Variants in TRAPPC12 observed in about 807,000 individuals in gnomAD.
TRAPPC12 encodes the protein TPR repeat protein 15.
In TRAPPC12, 61 loss-of-function variants were observed where a neutral mutation model predicts 69.2. The observed-to-expected ratio is 0.88, with a 90% confidence interval of 0.72 to 1.09. The LOEUF is 1.09. TRAPPC12 is among the 50% of genes least tolerant of loss of function. TRAPPC12 has a pLI of 0.00. For missense variants in TRAPPC12, 1,101 were observed against 1,016.4 expected (o/e 1.08, Z -1.13); for synonymous variants, 469 against 438.9 (o/e 1.07, Z -0.86).
chr2:3,473,584 A>G (rs1020903111), intron 9 of TRAPPC12, among the ~76,000 whole-genome samples: 41 of 152,236 alleles, frequency 2.7e-4, no homozygotes, highest in African/African-American at 9.9e-4. Context: ...GGCTCAAGCA[A>G]TCCTCCCGCC....
rs190407214 is a variant in TRAPPC12, at chr2:3,467,064, G to C, written c.1776+1369G>C. ...CGTCTGGAAGTGCTTCTCCTTCCAG[G>C]GGGAGCCACTGGCTTGACCACAGCG... On this transcript the variant is annotated intron_variant, in intron 9 of 11. Coordinates refer to ENST00000324266, the MANE Select transcript of TRAPPC12 (RefSeq NM_016030.6). 5.6e-4 allele frequency among the ~76,000 whole-genome samples: 86 copies of C among 152,352 alleles called. 2 individuals are homozygous for C. The East Asian group carries it at 0.016, about 29-fold the overall frequency.
At chr2:3,475,877 T>C (rs1666271301) in intron 9 of TRAPPC12, among the ~76,000 whole-genome samples, 1 of 152,226 alleles carries the variant, frequency 6.6e-6, no homozygotes, top group Admixed American at 6.5e-5. Context: ...GAGCTGTGCT[T>C]GTAAGCGCTT....
intron 2 of TRAPPC12, among the ~76,000 whole-genome samples, chr2:3,401,348 C>T (rs900295571): frequency 9.8e-5 from 15 of 152,292 alleles, no homozygotes; most frequent in South Asian, 8.3e-4. Flanking sequence ...TGCACCAGCG[C>T]GAGGCTGGCC....
At chr2:3,430,739 A>G (rs1389682365) in intron 5 of TRAPPC12, among the ~76,000 whole-genome samples, 2 of 152,276 alleles carry the variant, frequency 1.3e-5, no homozygotes, top group Non-Finnish European at 2.9e-5. Context: ...ATACTGTTAT[A>G]TCAGGAATAA....
At position 3,436,375 on chromosome 2, in the gene TRAPPC12, A is replaced by G. The variant is rs183679512; in HGVS notation, c.1418-7404A>G. 2.1e-3 allele frequency among the ~76,000 whole-genome samples: 314 copies of G among 152,234 alleles called. 2 individuals are homozygous for G. Among genetic ancestry groups the G allele is most frequent in the African/African-American group, 7.0e-3 (292 of 41,510 alleles). On this transcript the variant is annotated intron_variant, in intron 5 of 11. Transcript: ENST00000324266. ...TCATTAAAAACTCCATTTTCCATCTAATACCTTGGAGACACCATCTTTATT... is the reference window on the plus strand; with the variant it reads ...TCATTAAAAACTCCATTTTCCATCTGATACCTTGGAGACACCATCTTTATT...
Position 3,424,495 on chromosome 2 carries a change from C to T in TRAPPC12, c.1279-30C>T, listed in dbSNP as rs772286166. ...TTCTGAACTGGATATATGTAGATAA[C>T]CTATTGTTTCCATTGTATTTTGTTT... On this transcript the variant is annotated intron_variant, in intron 4 of 11. Transcript: ENST00000324266. The T allele has an allele frequency of 1.9e-6, 3 of 1,608,186 alleles. No homozygotes were observed. In the African/African-American group the frequency reaches 4.0e-5, roughly 22 times the overall value.
intron 6 of TRAPPC12, chr2:3,455,264 T>C (rs577176713): frequency 2.0e-5 from 3 of 152,366 alleles, no homozygotes; most frequent in Non-Finnish European, 4.4e-5. Context: ...AGTAGGTGTT[T>C]ATGGGTTATA....
rs145829854 is a variant in TRAPPC12, at chr2:3,414,462, G to A, written c.1165-7419G>A. Among the ~76,000 whole-genome samples the A allele has an allele frequency of 1.5e-3, 221 of 151,362 alleles. No homozygotes were observed. The highest frequency in any genetic ancestry group is 6.8e-3 in the Middle Eastern group (2 of 292). On this transcript the variant is annotated intron_variant, in intron 3 of 11. Transcript: ENST00000324266. This position sits in a 1 kb window ranked among gnomAD's most constrained non-coding sequence, Gnocchi z 4.9. Reference sequence around the variant, plus strand: ...CCGGGTTCTTGTCCTCCCCCCTGCCGCCACCCTGGGGTCTGCCACTCTGGG... The same window carrying A: ...CCGGGTTCTTGTCCTCCCCCCTGCCACCACCCTGGGGTCTGCCACTCTGGG...
intron 5 of TRAPPC12, among the ~76,000 whole-genome samples, chr2:3,442,851 T>C (rs981519852): frequency 3.3e-5 from 5 of 152,254 alleles, no homozygotes; most frequent in African/African-American, 1.2e-4. Flanking sequence ...TTTCAGACTA[T>C]ATTCCAGATC....
chr2:3,448,109 CCTA>C (rs940810996), intron 6 of TRAPPC12, among the ~76,000 whole-genome samples: 6 of 152,324 alleles, frequency 3.9e-5, no homozygotes, highest in Admixed American at 1.3e-4. Context: ...TTGATTACCC[CCTA>C]CTAATGCCCA....
intron 3 of TRAPPC12, among the ~76,000 whole-genome samples, chr2:3,402,541 G>A (rs1661504265): frequency 6.6e-6 from 1 of 151,510 alleles, no homozygotes. Context: ...GTTGCAGTGA[G>A]CCGAGATCAC....
chr2:3,388,605 C>T lies in TRAPPC12; in HGVS notation c.982C>T (p.Arg328Cys). The change falls in exon 2 of 12, where the codon CGC becomes TGC. Residue 328 changes from arginine to cysteine, a missense_variant. Arg to Cys is a radical substitution (Grantham distance 180, BLOSUM62 -3). Coordinates refer to ENST00000324266, the MANE Select transcript of TRAPPC12 (RefSeq NM_016030.6). Reference protein sequence around the residue: ...GVLRAVATQQRGAVFVDKENL... With the variant: ...GVLRAVATQQCGAVFVDKENL... ...CCTGCGGGCCGTGGCCACCCAGCAG[C>T]GCGGCGCCGTGTTCGTGGACAAGGA... The T allele has an allele frequency of 1.2e-6, 2 of 1,605,278 alleles. No homozygotes were observed. Among genetic ancestry groups the T allele is most frequent in the South Asian group, 1.1e-5 (1 of 89,910 alleles).
chr2:3,478,476 T>C (rs905141178), intron 10 of TRAPPC12, among the ~76,000 whole-genome samples: 6 of 151,866 alleles, frequency 4.0e-5, no homozygotes, highest in Non-Finnish European at 7.4e-5. Flanking sequence ...CTACTAAAAA[T>C]ACAAAAAATT....
chr2:3,431,961 C>T (rs769748593), intron 5 of TRAPPC12, among the ~76,000 whole-genome samples: 2 of 152,292 alleles, frequency 1.3e-5, no homozygotes, highest in Non-Finnish European at 1.5e-5. Flanking sequence ...GGAATTACCC[C>T]TCTCGTTCCA....
In TRAPPC12 at chr2:3,421,941, C is replaced by T. The variant is rs1476443255; in HGVS notation, c.1225C>T (p.Gln409Ter). The change falls in exon 4 of 12, where the codon CAG (glutamine) becomes TAG (stop). Residue 409 changes from glutamine to a stop codon, truncating the protein, a stop_gained. Coordinates refer to ENST00000324266, the MANE Select transcript of TRAPPC12 (RefSeq NM_016030.6). LOFTEE classifies it high-confidence loss of function. Reference sequence around the variant, plus strand: ...CGGACGTCTCCTCACAGCCCACGGCCAGGGCTACGGCAAGAGCGGGCTGCT... The same window carrying T: ...CGGACGTCTCCTCACAGCCCACGGCTAGGGCTACGGCAAGAGCGGGCTGCT... ...LCGRLLTAHG[Q>*]GYGKSGLLTS... is the part of the protein sequence containing the mutation. The T allele has an allele frequency of 1.2e-6, 2 of 1,613,748 alleles. No homozygotes were observed. The highest frequency in any genetic ancestry group is 1.7e-5 in the Admixed American group (1 of 60,026).
chr2:3,424,593 A>C lies in TRAPPC12; in HGVS notation c.1347A>C (p.Glu449Asp). Residue 449 changes from glutamate to aspartate, a missense_variant, in exon 5 of 12, where the codon GAA becomes GAC. Physicochemically the swap from Glu to Asp is conservative, Grantham distance 45 (BLOSUM62 2). Coordinates refer to ENST00000324266, the MANE Select transcript of TRAPPC12 (RefSeq NM_016030.6). ...TCCAGAATGCTGAGATGGAATTTGA[A>C]CCCTTCGGAAATCTTGATCAGCCAG... ...GLFQNAEMEF[E>D]PFGNLDQPDL... 1 of 1,613,962 alleles carries C rather than the reference A, an allele frequency of 6.2e-7. No individual in the cohort carries two copies. The highest frequency in any genetic ancestry group is 1.1e-5 in the South Asian group (1 of 91,064).
At chr2:3,399,801 C>T (rs1245661849) in intron 2 of TRAPPC12, among the ~76,000 whole-genome samples, 1 of 149,250 alleles carries the variant, frequency 6.7e-6, no homozygotes, top group Non-Finnish European at 1.5e-5. Flanking sequence ...GCTTTTCTTT[C>T]CCCCGCTCCC....
At position 3,401,747 on chromosome 2, in the gene TRAPPC12, C is replaced by T. The variant is rs1439586593; in HGVS notation, c.1048-30C>T. The T allele has an allele frequency of 3.4e-6, 5 of 1,449,554 alleles. No individual in the cohort carries two copies. The East Asian group carries it at 7.2e-5, about 21-fold the overall frequency. The allele number at this position is 1,449,554 out of a possible 1,614,324, so 89.8% of individuals were successfully genotyped here. On this transcript the variant is annotated intron_variant, in intron 2 of 11. Transcript: ENST00000324266. ...CTGAGTTTAGTTGACATTTTATTGT[C>T]TTGACATATTTTTCTTCTATTCTTC...
In TRAPPC12 at chr2:3,383,788, C is replaced by A. The variant is rs138822102; in HGVS notation, c.-4-3832C>A. Among the ~76,000 whole-genome samples, 663 of 149,950 alleles carry A rather than the reference C, an allele frequency of 4.4e-3. 12 individuals are homozygous for A. The highest frequency in any genetic ancestry group is 0.015 in the African/African-American group (629 of 40,896). On this transcript the variant is annotated intron_variant, in intron 1 of 11. Coordinates refer to ENST00000324266, the MANE Select transcript of TRAPPC12 (RefSeq NM_016030.6). ...TTCCAAGTTTATTTTTTCCCAGCTG[C>A]ATGATTTGTCTACACATCACTCAAG... is the stretch of plus-strand genomic sequence containing the variant.
Sources: allele counts gnomAD v4.1 joint callset (sites outside exome capture counted in the v4.1 genomes callset), GRCh38; gene constraint gnomAD v4.1.1; non-coding constraint Gnocchi (gnomAD v3.1); transcripts MANE v1.5; gene names NCBI Gene and HGNC (gene_info 2026-07-23, HGNC 2026-07-21).